TBC1D32: variants seen among roughly 807,000 people sequenced by gnomAD.
TBC1D32 encodes the protein TBC1 domain family member 32.
A neutral mutation model predicts 170.3 loss-of-function variants in TBC1D32; 151 were observed. That is an observed-to-expected ratio of 0.89 (90% CI 0.78 to 1.01). The LOEUF is 1.01. TBC1D32 is among the 50% of genes least tolerant of loss of function. The pLI, the probability that TBC1D32 is intolerant of heterozygous loss-of-function variation, is 0.00. For synonymous variants in TBC1D32, 498 were observed against 488.0 expected (o/e 1.02, Z -0.27); for missense variants, 1,464 against 1,457.1 (o/e 1.00, Z -0.08).
chr6:121,186,219 T>G (rs1175908518), intron 22 of TBC1D32, among the ~76,000 whole-genome samples: 7 of 152,080 alleles, frequency 4.6e-5, no homozygotes, highest in Admixed American at 4.6e-4. Flanking sequence ...TTAACTGCGT[T>G]GGCTAGAGGA....
intron 4 of TBC1D32, among the ~76,000 whole-genome samples, chr6:121,308,548 C>CA (rs1372845940): frequency 6.6e-6 from 1 of 151,858 alleles, no homozygotes; most frequent in Non-Finnish European, 1.5e-5. Flanking sequence ...ACAATTCTCA[C>CA]AAAACAATCA....
At chr6:121,266,034 C>T (rs747265023) in intron 15 of TBC1D32, among the ~76,000 whole-genome samples, 1 of 151,952 alleles carries the variant, frequency 6.6e-6, no homozygotes, top group Non-Finnish European at 1.5e-5. Context: ...ATGATGAAAT[C>T]GCAAAAAGCA....
At chr6:121,157,843 T>G (rs1785104781) in intron 24 of TBC1D32, among the ~76,000 whole-genome samples, 1 of 152,168 alleles carries the variant, frequency 6.6e-6, no homozygotes, top group Non-Finnish European at 1.5e-5. Context: ...CAATCTCTTC[T>G]GGCTTTAAGG....
intron 31 of TBC1D32, among the ~76,000 whole-genome samples, chr6:121,089,064 T>A (rs1331507673): frequency 6.6e-6 from 1 of 152,152 alleles, no homozygotes; most frequent in Non-Finnish European, 1.5e-5. Context: ...AAATAAGTGG[T>A]AGGCACTTAA....
chr6:121,092,564 CA>C lies in TBC1D32; in HGVS notation c.3466-1524del, dbSNP rs1044723113. Among the ~76,000 whole-genome samples, 20 of 152,020 alleles carry C rather than the reference CA, an allele frequency of 1.3e-4. No homozygotes were observed. The East Asian group carries it at 2.3e-3, about 18-fold the overall frequency. Reference sequence around the variant, plus strand: ...CGTATTAGTTTGCTAGAACCACAGGCAGGGGGGGCTTAAACAATAAAAAATT... The same window carrying C: ...CGTATTAGTTTGCTAGAACCACAGGCGGGGGGGCTTAAACAATAAAAAATT... On this transcript the variant is annotated intron_variant, in intron 30 of 31. Transcript: ENST00000398212.
At chr6:121,198,307 A>G (rs550508151) in intron 22 of TBC1D32, among the ~76,000 whole-genome samples, 6 of 146,226 alleles carry the variant, frequency 4.1e-5, no homozygotes, top group African/African-American at 1.3e-4. Context: ...TATGTATCCT[A>G]TAAGTTTGGT....
intron 15 of TBC1D32, among the ~76,000 whole-genome samples, chr6:121,273,572 C>T (rs1373701922): frequency 2.0e-5 from 3 of 150,706 alleles, no homozygotes; most frequent in Admixed American, 6.6e-5. Flanking sequence ...ACCAACATGA[C>T]ACACATATAC....
At chr6:121,089,805 A>G (rs1776619810) in intron 31 of TBC1D32, among the ~76,000 whole-genome samples, 2 of 152,074 alleles carry the variant, frequency 1.3e-5, no homozygotes, top group Admixed American at 6.5e-5. Flanking sequence ...ATTAATTTAC[A>G]TAGAAACTGT....
Position 121,126,424 on chromosome 6 carries a change from GA to G in TBC1D32, c.2936del (p.Leu979ProfsTer22). On this transcript the variant is annotated frameshift_variant, in exon 26 of 32. Coordinates refer to ENST00000398212, the MANE Select transcript of TBC1D32 (RefSeq NM_152730.6). LOFTEE classifies it high-confidence loss of function. ...AGTAGCATTCAGATGGGCTTTCAGT[GA>G]GATGAAGCACAAATTTTTCAAGTAA... ...IELLEKFVLHLTESPSECYFP... is the reference protein window; with the variant it reads ...IELLEKFVLHXTESPSECYFP... 1.9e-6 allele frequency: 3 copies of G among 1,612,720 alleles called. No homozygotes were observed. Among genetic ancestry groups the G allele is most frequent in the Non-Finnish European group, 2.5e-6 (3 of 1,179,326 alleles).
At chr6:121,129,414 T>TA (rs1285288455) in intron 25 of TBC1D32, among the ~76,000 whole-genome samples, 1 of 152,204 alleles carries the variant, frequency 6.6e-6, no homozygotes, top group Non-Finnish European at 1.5e-5. Context: ...ATTTTCAACT[T>TA]ATGATGCATT....
intron 26 of TBC1D32, 125 bp from the exon 27 acceptor site, chr6:121,115,366 A>C (rs1779591032): frequency 3.3e-6 from 2 of 612,660 alleles, no homozygotes; most frequent in African/African-American, 1.9e-5. Context: ...AACACTGATG[A>C]ATTTATTCTT....
At chr6:121,273,406 T>C (rs985023339) in intron 15 of TBC1D32, among the ~76,000 whole-genome samples, 10 of 151,068 alleles carry the variant, frequency 6.6e-5, no homozygotes, top group African/African-American at 2.2e-4. Context: ...AACCAAACAC[T>C]GCATGTTCTC....
intron 31 of TBC1D32, among the ~76,000 whole-genome samples, chr6:121,087,714 C>T (rs747330577): frequency 2.6e-5 from 4 of 152,080 alleles, no homozygotes; most frequent in Non-Finnish European, 4.4e-5. Flanking sequence ...TTTTTATATA[C>T]TTATTCAATT....
At chr6:121,087,968 T>G (rs1776419596) in intron 31 of TBC1D32, among the ~76,000 whole-genome samples, 1 of 140,486 alleles carries the variant, frequency 7.1e-6, no homozygotes, top group African/African-American at 2.9e-5. Context: ...TTTTTTTTTT[T>G]GAGACAGGGT....
intron 21 of TBC1D32, among the ~76,000 whole-genome samples, chr6:121,207,213 T>A (rs1314087101): frequency 1.3e-5 from 2 of 152,160 alleles, no homozygotes; most frequent in South Asian, 2.1e-4. Flanking sequence ...AGGTTGCCAA[T>A]TAGTTCTATG....
intron 12 of TBC1D32, among the ~76,000 whole-genome samples, chr6:121,284,495 C>T (rs889856216): frequency 1.3e-5 from 2 of 152,118 alleles, no homozygotes; most frequent in African/African-American, 2.4e-5. Flanking sequence ...TATCACAAAA[C>T]ACCCTTTTCT....
At chr6:121,083,681 G>A (rs1775885849) in intron 31 of TBC1D32, among the ~76,000 whole-genome samples, 1 of 152,016 alleles carries the variant, frequency 6.6e-6, no homozygotes, top group Non-Finnish European at 1.5e-5. Flanking sequence ...AAAACAACTT[G>A]ATATAGTAAA....
chr6:121,155,068 C>T (rs183103195), intron 24 of TBC1D32, among the ~76,000 whole-genome samples: 7 of 152,252 alleles, frequency 4.6e-5, no homozygotes, highest in African/African-American at 9.6e-5. Flanking sequence ...AGGGATAGCA[C>T]TGAATCTATA....
intron 13 of TBC1D32, among the ~76,000 whole-genome samples, chr6:121,282,004 TC>T (rs1472609313): frequency 6.6e-6 from 1 of 151,712 alleles, no homozygotes; most frequent in Non-Finnish European, 1.5e-5. Context: ...ACAGCTTTTT[TC>T]CTCCTAGAAA....
Sources: allele counts gnomAD v4.1 joint callset (sites outside exome capture counted in the v4.1 genomes callset), GRCh38; gene constraint gnomAD v4.1.1; transcripts MANE v1.5; gene names NCBI Gene and HGNC (gene_info 2026-07-23, HGNC 2026-07-21).